TMEM117: variants seen among roughly 807,000 people sequenced by gnomAD.
TMEM117 encodes the protein transmembrane protein 117.
A neutral mutation model predicts 52.4 loss-of-function variants in TMEM117; 27 were observed. The ratio of observed to expected loss-of-function variants is 0.51; its 90% CI spans 0.38 to 0.71. The LOEUF (loss-of-function observed/expected upper bound fraction) is 0.71, where lower values mean the gene tolerates loss of function less well. Ranked by LOEUF, TMEM117 falls within the 30% of genes least tolerant of loss-of-function variation. TMEM117 has a pLI of 0.00. For synonymous variants in TMEM117, 215 were observed against 206.3 expected (o/e 1.04, Z -0.36); for missense variants, 556 against 630.5 (o/e 0.88, Z 1.26).
chr12:43,991,300 A>G (rs997576619), intron 3 of TMEM117, among the ~76,000 whole-genome samples: 2 of 152,194 alleles, frequency 1.3e-5, no homozygotes. Context: ...TCCACACAAT[A>G]TAGGATTTTG....
chr12:44,119,701 C>T (rs895861387), intron 3 of TMEM117, among the ~76,000 whole-genome samples: 1 of 152,078 alleles, frequency 6.6e-6, no homozygotes, highest in Non-Finnish European at 1.5e-5. Flanking sequence ...TCAGTGACTC[C>T]CCAGTCTGAC....
intron 2 of TMEM117, among the ~76,000 whole-genome samples, chr12:43,879,839 C>A (rs1266179893): frequency 1.3e-5 from 2 of 152,156 alleles, no homozygotes; most frequent in African/African-American, 4.8e-5. Context: ...GTAGAAAGAG[C>A]CACATTGCTG....
At chr12:44,260,252 T>A (rs1950305651) in intron 5 of TMEM117, among the ~76,000 whole-genome samples, 1 of 152,218 alleles carries the variant, frequency 6.6e-6, no homozygotes, top group African/African-American at 2.4e-5. Flanking sequence ...TTTACACTGG[T>A]AATTTTTATG....
At position 44,282,218 on chromosome 12, in the gene TMEM117, C is replaced by T. The variant is rs149795513; in HGVS notation, c.609-17362C>T. ...TCCAATTAAACATCTTTTTCTTCCC[C>T]GTCTCAGGTATGTCAGTGTCAGACT... On this transcript the variant is annotated intron_variant, in intron 5 of 7. Coordinates refer to ENST00000266534, the MANE Select transcript of TMEM117 (RefSeq NM_032256.3). Among the ~76,000 whole-genome samples, 1,065 of 152,234 alleles carry T rather than the reference C, an allele frequency of 7.0e-3. 14 individuals carry two copies. The highest frequency in any genetic ancestry group is 0.024 in the African/African-American group (1,007 of 41,542).
intron 2 of TMEM117, among the ~76,000 whole-genome samples, chr12:43,850,786 A>C (rs890736500): frequency 4.6e-5 from 7 of 152,210 alleles, no homozygotes; most frequent in Middle Eastern, 3.2e-3. Flanking sequence ...CTGGTTCCCA[A>C]ATAATTAGCA....
intron 3 of TMEM117, among the ~76,000 whole-genome samples, chr12:44,020,455 T>C (rs1946439292): frequency 6.6e-6 from 1 of 152,178 alleles, no homozygotes; most frequent in African/African-American, 2.4e-5. Context: ...ATTCCTGACT[T>C]CTCGTGTATT....
intron 6 of TMEM117, among the ~76,000 whole-genome samples, chr12:44,319,361 T>C (rs1951101510): frequency 6.6e-6 from 1 of 152,116 alleles, no homozygotes; most frequent in African/African-American, 2.4e-5. Flanking sequence ...AAAATGCTCT[T>C]TCTTGTCCTG....
At chr12:44,175,138 C>T (rs1949101088) in intron 4 of TMEM117, among the ~76,000 whole-genome samples, 1 of 152,164 alleles carries the variant, frequency 6.6e-6, no homozygotes, top group African/African-American at 2.4e-5. Context: ...TTTATCACTA[C>T]TTTGGCTAGG....
At chr12:43,820,300 G>C in the TMEM117 span, among the ~76,000 whole-genome samples, 1 of 151,634 alleles carries the variant, frequency 6.6e-6, no homozygotes, top group Non-Finnish European at 1.5e-5. Context: ...TTGAGATGGA[G>C]TCTCGCTCTG....
At chr12:44,212,901 G>A (rs1259463911) in intron 5 of TMEM117, among the ~76,000 whole-genome samples, 6 of 151,932 alleles carry the variant, frequency 3.9e-5, no homozygotes, top group African/African-American at 1.5e-4. Flanking sequence ...ATCATTAAAT[G>A]TTGCTGGAGA....
intron 2 of TMEM117, among the ~76,000 whole-genome samples, chr12:43,854,059 G>T (rs1943357266): frequency 6.6e-6 from 1 of 152,088 alleles, no homozygotes; most frequent in South Asian, 2.1e-4. Context: ...GGTAGGTTGG[G>T]CCAAAATTCT....
intron 5 of TMEM117, among the ~76,000 whole-genome samples, chr12:44,262,890 G>T (rs375315462): frequency 1.3e-5 from 2 of 152,280 alleles, no homozygotes; most frequent in Admixed American, 6.5e-5. Context: ...CCCCGCCGAG[G>T]TTCATTTTTA....
intron 2 of TMEM117, among the ~76,000 whole-genome samples, chr12:43,851,291 TTAGG>T (rs1469465036): frequency 6.6e-6 from 1 of 152,196 alleles, no homozygotes; most frequent in Non-Finnish European, 1.5e-5. Context: ...TTGTGACTCT[TTAGG>T]TAATAACATA....
chr12:44,004,961 T>C lies in TMEM117; in HGVS notation c.410+60619T>C, dbSNP rs930966641. ...CAGCTAGAAATGTGGGAAAACTCATTAATGAAGGATGCTTAAAAGCCGGAC... is the reference window on the plus strand; with the variant it reads ...CAGCTAGAAATGTGGGAAAACTCATCAATGAAGGATGCTTAAAAGCCGGAC... On this transcript the variant is annotated intron_variant, in intron 3 of 7. Coordinates refer to ENST00000266534, the MANE Select transcript of TMEM117 (RefSeq NM_032256.3). Among the ~76,000 whole-genome samples the C allele has an allele frequency of 5.3e-5, 8 of 152,250 alleles. 1 individual carries two copies. Among genetic ancestry groups the C allele is most frequent in the African/African-American group, 1.9e-4 (8 of 41,548 alleles).
At chr12:44,179,184 ACT>A (rs2074841327) in intron 4 of TMEM117, among the ~76,000 whole-genome samples, 1 of 151,946 alleles carries the variant, frequency 6.6e-6, no homozygotes, top group Admixed American at 6.6e-5. Flanking sequence ...CAAGAGCAAG[ACT>A]CTATCTCAAA....
chr12:44,284,488 T>A (rs181378912), intron 5 of TMEM117, among the ~76,000 whole-genome samples: 15 of 152,168 alleles, frequency 9.9e-5, no homozygotes, highest in African/African-American at 3.4e-4. Flanking sequence ...GGTGAACAAT[T>A]TAGCATGTAC....
chr12:44,023,664 AT>A (rs1946487894), intron 3 of TMEM117, among the ~76,000 whole-genome samples: 1 of 151,166 alleles, frequency 6.6e-6, no homozygotes, highest in Non-Finnish European at 1.5e-5. Context: ...CCACTTTTTG[AT>A]GGGGTTGTTT....
chr12:43,853,738 C>T (rs368534868), intron 2 of TMEM117, among the ~76,000 whole-genome samples: 1 of 152,078 alleles, frequency 6.6e-6, no homozygotes, highest in African/African-American at 2.4e-5. Flanking sequence ...AAATGTGTAT[C>T]GAGTATCAAA....
At chr12:44,229,864 T>G (rs560881046) in intron 5 of TMEM117, among the ~76,000 whole-genome samples, 138 of 152,270 alleles carry the variant, frequency 9.1e-4, no homozygotes, top group Non-Finnish European at 1.3e-3. Flanking sequence ...ATAATTTTAA[T>G]ATAGAACTTC....
Sources: gnomAD v4.1 joint callset for allele counts (sites outside exome capture counted in the v4.1 genomes callset) on GRCh38, gnomAD v4.1.1 for gene constraint, MANE v1.5 for transcripts, NCBI Gene and HGNC (gene_info 2026-07-23, HGNC 2026-07-21) for gene names.